Variants in SEZ6L observed in about 807,000 individuals in gnomAD.
SEZ6L encodes the protein seizure 6-like protein.
A neutral mutation model predicts 106.2 loss-of-function variants in SEZ6L; 37 were observed. The ratio of observed to expected loss-of-function variants is 0.35; its 90% CI spans 0.27 to 0.46. The LOEUF (loss-of-function observed/expected upper bound fraction) is 0.46. Ranked by LOEUF, SEZ6L falls within the 20% of genes least tolerant of loss-of-function variation. The pLI is 1.00. For missense variants in SEZ6L, 1,172 were observed against 1,332.8 expected, an observed-to-expected ratio of 0.88 and a Z score of 1.88; for synonymous variants, 541 against 570.4, an observed-to-expected ratio of 0.95 and a Z score of 0.73.
chr22:26,372,457 C>A (rs540214749), intron 13 of SEZ6L, among the ~76,000 whole-genome samples: 4 of 152,260 alleles, frequency 2.6e-5, no homozygotes, highest in African/African-American at 9.6e-5. Flanking sequence ...ACTTAGTTAG[C>A]CAGCTAGCTT....
intron 1 of SEZ6L, among the ~76,000 whole-genome samples, chr22:26,255,799 C>A (rs74989559): frequency 0.011 from 1,694 of 152,358 alleles, 35 homozygotes; most frequent in African/African-American, 0.037. Context: ...AGGCTTGGTG[C>A]TAGTCACTGG....
chr22:26,291,620 A>C (rs1028446101), intron 1 of SEZ6L, among the ~76,000 whole-genome samples: 1 of 151,488 alleles, frequency 6.6e-6, no homozygotes, highest in Non-Finnish European at 1.5e-5. Flanking sequence ...ATTTAAAAAA[A>C]CTCTCCTCCC....
chr22:26,218,660 G>A (rs1306731978), intron 1 of SEZ6L, among the ~76,000 whole-genome samples: 1 of 152,190 alleles, frequency 6.6e-6, no homozygotes, highest in Admixed American at 6.5e-5. Flanking sequence ...AAATTAGCTG[G>A]GTGTAGTGGT....
chr22:26,252,917 T>A (rs2079652191), intron 1 of SEZ6L, among the ~76,000 whole-genome samples: 1 of 152,260 alleles, frequency 6.6e-6, no homozygotes, highest in Admixed American at 6.5e-5. Flanking sequence ...GAATGACTTA[T>A]TTTCTTTTGG....
chr22:26,216,860 A>C (rs137979657), intron 1 of SEZ6L, among the ~76,000 whole-genome samples: 1,956 of 152,246 alleles, frequency 0.013, 14 homozygotes, highest in Non-Finnish European at 0.019. Context: ...CCCAGTTTGC[A>C]TATGGAAAAT....
intron 10 of SEZ6L, 132 bp downstream of exon 10, chr22:26,340,764 C>A (rs2082804779): frequency 1.3e-6 from 1 of 759,396 alleles, no homozygotes; most frequent in African/African-American, 1.8e-5. Flanking sequence ...GTACTCATTT[C>A]ATTTTTAAAA....
Position 26,340,621 on chromosome 22 carries a change from T to A in SEZ6L, c.2201T>A (p.Met734Lys). Residue 734 changes from methionine to lysine, a missense_variant, in exon 10 of 17, where the codon ATG becomes AAG. Coordinates refer to ENST00000248933, the MANE Select transcript of SEZ6L (RefSeq NM_021115.5). Reference protein sequence around the residue: ...LIFGKGQGFIMNYIEVSRNDS... With the variant: ...LIFGKGQGFIKNYIEVSRNDS... ...TTTGGAAAGGGCCAGGGATTTATCA[T>A]GAACTACATAGGTAGGTGTCTCATC... 1 of 1,613,492 alleles carries A rather than the reference T, an allele frequency of 6.2e-7. No individual in the cohort carries two copies. Among genetic ancestry groups the A allele is most frequent in the Non-Finnish European group, 8.5e-7 (1 of 1,179,762 alleles).
intron 1 of SEZ6L, among the ~76,000 whole-genome samples, chr22:26,173,554 A>G (rs770008083): frequency 6.6e-6 from 1 of 152,252 alleles, no homozygotes; most frequent in Non-Finnish European, 1.5e-5. Context: ...GGAAGAAGAC[A>G]TAAGAAGCAA....
At position 26,383,445 on chromosome 22, in the gene SEZ6L, C is replaced by A. The variant is rs2084471758; in HGVS notation, c.*3150C>A. The A allele has an allele frequency of 6.6e-6, 1 of 152,134 alleles. No homozygotes were observed. The highest frequency in any genetic ancestry group is 6.5e-5 in the Admixed American group (1 of 15,276). The allele number at this position is 152,134 out of a possible 1,614,324, so 9.4% of individuals were successfully genotyped here. On this transcript the variant is annotated 3_prime_UTR_variant, in exon 17 of 17. Transcript: ENST00000248933. ...CAGATATTATTTGAGTTGTTCAGCACCCCCAAAGGTAGGCATTCTCCTGGG... is the reference window on the plus strand; with the variant it reads ...CAGATATTATTTGAGTTGTTCAGCAACCCCAAAGGTAGGCATTCTCCTGGG...
At chr22:26,235,632 G>A (rs2078934144) in intron 1 of SEZ6L, among the ~76,000 whole-genome samples, 1 of 152,118 alleles carries the variant, frequency 6.6e-6, no homozygotes, top group Admixed American at 6.5e-5. Context: ...GTGAAAGAGA[G>A]GGAAGGCATT....
intron 1 of SEZ6L, among the ~76,000 whole-genome samples, chr22:26,196,651 G>T (rs1321741136): frequency 1.3e-5 from 2 of 152,174 alleles, no homozygotes; most frequent in Admixed American, 6.5e-5. Flanking sequence ...TTGACTGCTG[G>T]GTGGAGAATG....
chr22:26,260,413 A>G (rs1254498314), intron 1 of SEZ6L, among the ~76,000 whole-genome samples: 1 of 152,112 alleles, frequency 6.6e-6, no homozygotes, highest in East Asian at 1.9e-4. Flanking sequence ...TTGAGTTACT[A>G]TGCTTAGAAT....
chr22:26,299,163 T>A lies in SEZ6L; in HGVS notation c.1342T>A (p.Cys448Ser). Reference sequence around the variant, plus strand: ...GCACTGGAGCAGCCAGGAGCCCATCTGCTCAGGTATGCTCCAGCCTCAGCC... The same window carrying A: ...GCACTGGAGCAGCCAGGAGCCCATCAGCTCAGGTATGCTCCAGCCTCAGCC... The part of the protein sequence containing the change: ...KPHWSSQEPI[C>S]SAPCGGAVHN... The change falls in exon 5 of 17, where the codon TGC (cysteine) becomes AGC (serine). Residue 448 changes from cysteine (C) to serine (S), a missense_variant. Around this residue, in one of 4 missense-constraint regions of SEZ6L, gnomAD observed 534 missense variants for 691.0 expected, o/e 0.77. Transcript: ENST00000248933. 1 of 1,505,402 alleles carries A rather than the reference T, an allele frequency of 6.6e-7. No individual in the cohort carries two copies. The highest frequency in any genetic ancestry group is 8.9e-7 in the Non-Finnish European group (1 of 1,121,368). The allele number at this position is 1,505,402 out of a possible 1,614,324, so 93.3% of individuals were successfully genotyped here. A position where few individuals can be genotyped will look rare whatever the true frequency, so the allele number is the denominator to read the frequency against.
intron 3 of SEZ6L, 28 bp downstream of exon 3, chr22:26,294,453 G>T (rs1257343502): frequency 7.5e-6 from 12 of 1,604,960 alleles, no homozygotes; most frequent in Non-Finnish European, 9.4e-6. Context: ...CCTCACAGAG[G>T]CTGCCTCGTC....
At chr22:26,184,566 C>G (rs1939646387) in intron 1 of SEZ6L, among the ~76,000 whole-genome samples, 1 of 152,156 alleles carries the variant, frequency 6.6e-6, no homozygotes, top group Non-Finnish European at 1.5e-5. Context: ...GGTGCTGGAA[C>G]AAAAACTAAT....
intron 1 of SEZ6L, among the ~76,000 whole-genome samples, chr22:26,211,804 TAA>T (rs56124325): frequency 2.2e-3 from 107 of 48,064 alleles, no homozygotes; most frequent in African/African-American, 8.8e-3. Context: ...ACCTCGTCTC[TAA>T]AAAAAAAAAA....
At chr22:26,353,334 GTA>G (rs1467579206) in intron 12 of SEZ6L, among the ~76,000 whole-genome samples, 1 of 152,148 alleles carries the variant, frequency 6.6e-6, no homozygotes, top group Non-Finnish European at 1.5e-5. Flanking sequence ...GTATGTGTGT[GTA>G]TATATAGTGT....
chr22:26,281,374 CTTT>C (rs769088373), intron 1 of SEZ6L, among the ~76,000 whole-genome samples: 18 of 130,598 alleles, frequency 1.4e-4, no homozygotes, highest in Non-Finnish European at 1.9e-4. Context: ...TTCTTTCTTT[CTTT>C]TTTTTTTTTT....
chr22:26,304,168 A>G (rs2081537987), intron 5 of SEZ6L, among the ~76,000 whole-genome samples: 1 of 152,050 alleles, frequency 6.6e-6, no homozygotes, highest in Non-Finnish European at 1.5e-5. Context: ...CCTGGCCAAG[A>G]TGGTGAAACC....
Sources: allele counts gnomAD v4.1 joint callset (sites outside exome capture counted in the v4.1 genomes callset), GRCh38; gene constraint gnomAD v4.1.1; regional missense constraint gnomAD v4.1.1; transcripts MANE v1.5; gene names NCBI Gene and HGNC (gene_info 2026-07-23, HGNC 2026-07-21).